Variants in CGNL1 observed in about 807,000 individuals in gnomAD.
CGNL1 encodes the protein cingulin like 1.
Under a neutral mutation model 141.2 loss-of-function variants are expected in CGNL1, and 132 were observed. The observed-to-expected ratio is 0.93, with a 90% confidence interval of 0.81 to 1.08. The LOEUF (loss-of-function observed/expected upper bound fraction) is 1.08. Among genes scored for constraint, CGNL1 ranks in the 50% least tolerant of loss-of-function variants. The probability of loss-of-function intolerance (pLI) is 0.00; values close to 1 mark genes in which losing one functional copy is unlikely to be tolerated. For synonymous variants in CGNL1, 690 were observed against 622.1 expected (o/e 1.11, Z -1.63); for missense variants, 1,870 against 1,588.6 (o/e 1.18, Z -3.01).
intron 1 of CGNL1, among the ~76,000 whole-genome samples, chr15:57,416,375 AC>A (rs1432172801): frequency 6.6e-6 from 1 of 151,836 alleles, no homozygotes; most frequent in African/African-American, 2.4e-5. Context: ...TGCTGTTGGA[AC>A]CTCAGCTCAC....
At chr15:57,450,676 G>A (rs1329911456) in intron 4 of CGNL1, among the ~76,000 whole-genome samples, 2 of 152,208 alleles carry the variant, frequency 1.3e-5, no homozygotes, top group African/African-American at 2.4e-5. Context: ...AACCCAGGGT[G>A]AATGTGGGGC....
intron 1 of CGNL1, among the ~76,000 whole-genome samples, chr15:57,404,878 G>A (rs183843626): frequency 6.6e-6 from 1 of 152,298 alleles, no homozygotes; most frequent in East Asian, 1.9e-4. Flanking sequence ...CCTTGGAGCC[G>A]TAAGACCCCT....
chr15:57,544,583 G>A lies in CGNL1; in HGVS notation c.3486G>A (p.Leu1162=), dbSNP rs773916106. ...EARIAELEDR[L]ESEERDRANL... ...GGATCGCGGAGCTGGAGGACCGCCT[G>A]GAGAGTGAGGAGAGGTGAGCCGGGC... The change falls in exon 16 of 19, where the codon CTG becomes CTA. Residue 1162 remains leucine, a synonymous_variant. Transcript: ENST00000281282. 13 of 1,582,546 alleles carry A rather than the reference G, an allele frequency of 8.2e-6. No homozygotes were observed. The highest frequency in any genetic ancestry group is 1.1e-5 in the Non-Finnish European group (13 of 1,163,950).
intron 1 of CGNL1, among the ~76,000 whole-genome samples, chr15:57,414,459 A>G (rs1490294539): frequency 2.0e-5 from 3 of 152,238 alleles, no homozygotes; most frequent in Non-Finnish European, 4.4e-5. Flanking sequence ...AGGTGAGTGC[A>G]GTGAGGAACA....
rs564646594 is a variant in CGNL1, at chr15:57,455,179, C to CT, written c.2190+1367dup. Among the ~76,000 whole-genome samples the CT allele has an allele frequency of 8.6e-5, 13 of 151,788 alleles. No individual in the cohort carries two copies. The East Asian group carries it at 1.7e-3, about 20-fold the overall frequency. On this transcript the variant is annotated intron_variant, in intron 7 of 18. Coordinates refer to ENST00000281282, the MANE Select transcript of CGNL1 (RefSeq NM_032866.5). The stretch of plus-strand genomic sequence containing the variant: ...AACCATTCTCCTACATTTTTTTTCC[C>CT]TTTTTTGTAATTTTGAAACAAAGAT...
intron 14 of CGNL1, among the ~76,000 whole-genome samples, chr15:57,543,221 T>C (rs1567179190): frequency 1.3e-5 from 2 of 152,052 alleles, no homozygotes; most frequent in Admixed American, 6.5e-5. Context: ...ATCCTCCATC[T>C]CCACTTCCCT....
intron 1 of CGNL1, among the ~76,000 whole-genome samples, chr15:57,401,526 A>G (rs1382490922): frequency 5.3e-5 from 8 of 152,220 alleles, no homozygotes; most frequent in African/African-American, 1.9e-4. Flanking sequence ...CGAGTGTTTC[A>G]TAAAATATGT....
chr15:57,486,718 T>C (rs1230275162), intron 8 of CGNL1, among the ~76,000 whole-genome samples: 1 of 152,148 alleles, frequency 6.6e-6, no homozygotes, highest in Non-Finnish European at 1.5e-5. Flanking sequence ...GGACTTCCAT[T>C]TTGTGCATGT....
intron 1 of CGNL1, among the ~76,000 whole-genome samples, chr15:57,423,963 T>C (rs78630917): frequency 9.2e-5 from 14 of 152,356 alleles, no homozygotes; most frequent in African/African-American, 3.1e-4. Context: ...TCTCCATCTA[T>C]GTGACTTCCT....
chr15:57,508,772 A>G (rs1180274152), intron 8 of CGNL1, among the ~76,000 whole-genome samples: 1 of 152,238 alleles, frequency 6.6e-6, no homozygotes, highest in Non-Finnish European at 1.5e-5. Flanking sequence ...AGGGGTATCC[A>G]CAGACCTGCA....
At chr15:57,406,893 G>A (rs1353867835) in intron 1 of CGNL1, 1 of 152,210 alleles carries the variant, frequency 6.6e-6, no homozygotes, top group African/African-American at 2.4e-5. Context: ...GGTGCTTACT[G>A]TACTAGTTGA....
chr15:57,424,188 TA>T (rs2062948454), intron 1 of CGNL1, among the ~76,000 whole-genome samples: 1 of 152,240 alleles, frequency 6.6e-6, no homozygotes. Flanking sequence ...TCGATTTGTC[TA>T]GCACGTTTCT....
chr15:57,500,409 C>G (rs1192032792), intron 8 of CGNL1, among the ~76,000 whole-genome samples: 1 of 152,168 alleles, frequency 6.6e-6, no homozygotes, highest in Admixed American at 6.5e-5. Flanking sequence ...CATCAACTTC[C>G]CGCCACGGCT....
At chr15:57,412,663 C>G (rs1263792260) in intron 1 of CGNL1, among the ~76,000 whole-genome samples, 1 of 152,152 alleles carries the variant, frequency 6.6e-6, no homozygotes, top group Non-Finnish European at 1.5e-5. Context: ...CTCATTTCCC[C>G]CTTTCGATTG....
At chr15:57,451,731 C>G in intron 5 of CGNL1, 130 bp downstream of exon 5, 1 of 673,242 alleles carries the variant, frequency 1.5e-6, no homozygotes, top group Non-Finnish European at 2.5e-6. Context: ...CCTCTAATCA[C>G]TGAATAAATT....
intron 8 of CGNL1, among the ~76,000 whole-genome samples, chr15:57,513,253 GGTGTGTGTGTGTGTGTGTGTGT>G (rs369204678): frequency 3.1e-4 from 41 of 134,000 alleles, no homozygotes; most frequent in African/African-American, 8.1e-4. Context: ...TGTCAATATG[GGTGTGTGTGTGTGTGTGTGTGT>G]GTGTGTGTGT....
At position 57,438,441 on chromosome 15, in the gene CGNL1, C is replaced by T; in HGVS notation, c.442C>T (p.His148Tyr). 1 of 1,614,136 alleles carries T rather than the reference C, an allele frequency of 6.2e-7. No homozygotes were observed. Among genetic ancestry groups the T allele is most frequent in the Non-Finnish European group, 8.5e-7 (1 of 1,180,018 alleles). Reference protein sequence around the residue: ...KPSHLLNFQRHPELLQPYDPE... With the variant: ...KPSHLLNFQRYPELLQPYDPE... ...ATCTCACCTGCTGAACTTTCAGAGG[C>T]ATCCAGAGCTTTTGCAACCCTATGA... is the stretch of plus-strand genomic sequence containing the variant. The change falls in exon 2 of 19, where the codon CAT becomes TAT. Residue 148 changes from histidine to tyrosine, a missense_variant. Coordinates refer to ENST00000281282, the MANE Select transcript of CGNL1 (RefSeq NM_032866.5).
chr15:57,444,563 A>C (rs2063228812), intron 4 of CGNL1, among the ~76,000 whole-genome samples: 1 of 152,236 alleles, frequency 6.6e-6, no homozygotes, highest in South Asian at 2.1e-4. Context: ...TGTGGGTCAC[A>C]GACTAGGGGT....
Position 57,438,680 on chromosome 15 carries a change from C to CA in CGNL1, c.686dup (p.Gln230AlafsTer24). 2 of 1,614,116 alleles carry CA rather than the reference C, an allele frequency of 1.2e-6. No individual in the cohort carries two copies. The highest frequency in any genetic ancestry group is 2.2e-5 in the South Asian group (2 of 91,084). ...GCAGCTCCGTGGTCATAGAGGACCC[C>CA]AAAAAGCAGACCTCAGTGTGTGTAA... is the stretch of plus-strand genomic sequence containing the variant. On this transcript the variant is annotated frameshift_variant, in exon 2 of 19. Transcript: ENST00000281282. LOFTEE classifies it high-confidence loss of function.
Sources: gnomAD v4.1 joint callset for allele counts (sites outside exome capture counted in the v4.1 genomes callset) on GRCh38, gnomAD v4.1.1 for gene constraint, MANE v1.5 for transcripts, NCBI Gene and HGNC (gene_info 2026-07-23, HGNC 2026-07-21) for gene names.